CDK14: variants seen among roughly 807,000 people sequenced by gnomAD.
CDK14 encodes the protein cyclin dependent kinase 14.
Under a neutral mutation model 60.7 loss-of-function variants are expected in CDK14, and 34 were observed. The observed-to-expected ratio is 0.56, with a 90% CI of 0.43 to 0.75. The LOEUF (loss-of-function observed/expected upper bound fraction) is 0.75. Ranked by LOEUF, CDK14 falls within the 30% of genes least tolerant of loss-of-function variation. The pLI is 0.00. For missense variants in CDK14, 482 were observed against 564.1 expected (o/e 0.85, Z 1.47); for synonymous variants, 197 against 203.7 (o/e 0.97, Z 0.28).
chr7:90,654,177 T>C (rs538188333), intron 2 of CDK14, among the ~76,000 whole-genome samples: 3 of 152,302 alleles, frequency 2.0e-5, no homozygotes, highest in South Asian at 4.1e-4. Flanking sequence ...CTCCTGTCCT[T>C]TCTTAGTATG....
At chr7:90,964,502 T>C (rs1373007063) in intron 9 of CDK14, among the ~76,000 whole-genome samples, 1 of 152,218 alleles carries the variant, frequency 6.6e-6, no homozygotes, top group African/African-American at 2.4e-5. Flanking sequence ...AAGTATAACC[T>C]ATAACTAACA....
intron 6 of CDK14, among the ~76,000 whole-genome samples, chr7:90,895,265 A>G (rs1215772005): frequency 2.0e-5 from 3 of 151,482 alleles, no homozygotes; most frequent in African/African-American, 7.3e-5. Context: ...ACAGTGCTGT[A>G]TTTTAAAATC....
At chr7:91,112,446 A>G (rs1403257968) in intron 12 of CDK14, 96 bp from the exon 13 acceptor site, 2 of 1,332,104 alleles carry the variant, frequency 1.5e-6, no homozygotes, top group Non-Finnish European at 2.1e-6. Context: ...TCTAGCCAGG[A>G]ATAAATTGAA....
intron 12 of CDK14, among the ~76,000 whole-genome samples, chr7:91,109,041 T>C (rs1799398397): frequency 6.6e-6 from 1 of 152,158 alleles, no homozygotes; most frequent in Non-Finnish European, 1.5e-5. Flanking sequence ...TTGTTAATAA[T>C]AAAATTTTTG....
intron 2 of CDK14, among the ~76,000 whole-genome samples, chr7:90,616,898 A>C (rs73223205): frequency 0.017 from 2,524 of 151,954 alleles, 32 homozygotes; most frequent in South Asian, 0.049. Context: ...GTGCCTGTGT[A>C]TATATACACA....
At chr7:90,768,596 G>T (rs776152601) in intron 4 of CDK14, among the ~76,000 whole-genome samples, 20 of 152,114 alleles carry the variant, frequency 1.3e-4, no homozygotes, top group Non-Finnish European at 2.1e-4. Context: ...TGAAATGAGT[G>T]AATTGTCCTC....
At chr7:91,123,680 C>CGTT (rs2116398960) in intron 14 of CDK14, among the ~76,000 whole-genome samples, 1 of 152,116 alleles carries the variant, frequency 6.6e-6, no homozygotes, top group South Asian at 2.1e-4. Context: ...AACGCTAATG[C>CGTT]AAGTTTGTTT....
intron 5 of CDK14, among the ~76,000 whole-genome samples, chr7:90,810,750 T>G (rs200705304): frequency 7.9e-5 from 12 of 151,950 alleles, no homozygotes; most frequent in African/African-American, 2.9e-4. Flanking sequence ...CTTAAGCTGA[T>G]AAGCAACTTC....
chr7:90,657,545 T>C (rs946041368), intron 2 of CDK14, among the ~76,000 whole-genome samples: 1 of 152,238 alleles, frequency 6.6e-6, no homozygotes, highest in Non-Finnish European at 1.5e-5. Context: ...TTTTTCTAGA[T>C]CCATGCTGTT....
chr7:90,733,001 A>G (rs1023036065), intron 3 of CDK14, among the ~76,000 whole-genome samples: 2 of 151,076 alleles, frequency 1.3e-5, no homozygotes, highest in African/African-American at 4.9e-5. Context: ...CCCTCTACAC[A>G]CTGCTTTAAA....
intron 14 of CDK14, among the ~76,000 whole-genome samples, chr7:91,191,136 A>T (rs1192398476): frequency 6.6e-6 from 1 of 152,102 alleles, no homozygotes; most frequent in Non-Finnish European, 1.5e-5. Context: ...TCAGTTCTTG[A>T]TATGGCTTCT....
chr7:90,937,394 ATT>A (rs768688015), intron 8 of CDK14, among the ~76,000 whole-genome samples: 20 of 152,196 alleles, frequency 1.3e-4, no homozygotes, highest in Non-Finnish European at 2.9e-4. Context: ...AATTTGATGA[ATT>A]TGGTAAATGT....
chr7:91,112,745 A>G, intron 13 of CDK14, 64 bp downstream of exon 13: 1 of 1,551,256 alleles, frequency 6.4e-7, no homozygotes, highest in African/African-American at 1.4e-5. Context: ...TGGCATCTGT[A>G]TGTAACGTGT....
At chr7:91,103,867 AGT>A (rs1554428544) in intron 12 of CDK14, among the ~76,000 whole-genome samples, 33 of 151,798 alleles carry the variant, frequency 2.2e-4, no homozygotes, top group African/African-American at 7.5e-4. Context: ...AGAGAGAGAG[AGT>A]GTGTATTGCA....
At chr7:90,737,715 T>G (rs1162821311) in intron 3 of CDK14, among the ~76,000 whole-genome samples, 1 of 152,202 alleles carries the variant, frequency 6.6e-6, no homozygotes, top group Non-Finnish European at 1.5e-5. Flanking sequence ...AAATAAAAAT[T>G]AGCCCAGTCA....
chr7:90,732,692 C>G (rs2116738041), intron 3 of CDK14, among the ~76,000 whole-genome samples: 1 of 152,124 alleles, frequency 6.6e-6, no homozygotes, highest in South Asian at 2.1e-4. Flanking sequence ...TGATATCCCC[C>G]TAATCATTTT....
At chr7:90,921,841 G>C (rs1344171642) in intron 8 of CDK14, among the ~76,000 whole-genome samples, 2 of 152,112 alleles carry the variant, frequency 1.3e-5, no homozygotes, top group Admixed American at 6.5e-5. Context: ...TCCTAATGTT[G>C]ATAGTTTCTC....
At chr7:91,191,445 T>C (rs947232028) in intron 14 of CDK14, among the ~76,000 whole-genome samples, 2 of 152,086 alleles carry the variant, frequency 1.3e-5, no homozygotes, top group African/African-American at 4.8e-5. Context: ...TAAACTTCCT[T>C]AGCTTAATTG....
intron 2 of CDK14, among the ~76,000 whole-genome samples, chr7:90,691,750 C>G (rs1801557843): frequency 6.6e-6 from 1 of 152,156 alleles, no homozygotes; most frequent in African/African-American, 2.4e-5. Context: ...TACATCACCA[C>G]CATCCAACTA....
Sources: allele counts gnomAD v4.1 joint callset (sites outside exome capture counted in the v4.1 genomes callset), GRCh38; gene constraint gnomAD v4.1.1; transcripts MANE v1.5; gene names NCBI Gene and HGNC (gene_info 2026-07-23, HGNC 2026-07-21).